DDX31: variants seen among roughly 807,000 people sequenced by gnomAD.
DDX31 encodes ATP-dependent DNA helicase DDX31.
In DDX31, 70 loss-of-function variants were observed where a neutral mutation model predicts 91.3. The observed-to-expected ratio is 0.77, with a 90% CI of 0.63 to 0.94. The LOEUF (loss-of-function observed/expected upper bound fraction) is 0.94. Among genes scored for constraint, DDX31 ranks in the 40% least tolerant of loss-of-function variants. The pLI is 0.00. For synonymous variants in DDX31, 362 were observed against 350.6 expected, an observed-to-expected ratio of 1.03 and a Z score of -0.36; for missense variants, 902 against 925.0, an observed-to-expected ratio of 0.98 and a Z score of 0.32.
chr9:132,642,494 T>G (rs1321990955), intron 13 of DDX31, among the ~76,000 whole-genome samples: 4 of 152,330 alleles, frequency 2.6e-5, no homozygotes, highest in African/African-American at 9.6e-5. Flanking sequence ...TTTATAAAAC[T>G]ATGTATTTTA....
intron 1 of DDX31, among the ~76,000 whole-genome samples, chr9:132,667,565 T>C (rs111396461): frequency 0.2 from 30,748 of 151,978 alleles, 3,941 homozygotes; most frequent in East Asian, 0.4. Context: ...ATCGCGCCAC[T>C]GCACTCCAGC....
At chr9:132,604,636 A>G (rs1830911360) in intron 19 of DDX31, among the ~76,000 whole-genome samples, 1 of 151,904 alleles carries the variant, frequency 6.6e-6, no homozygotes, top group Non-Finnish European at 1.5e-5. Context: ...CACTCTTCAT[A>G]ATTTTAGATT....
rs1431998134 is a variant in DDX31, at chr9:132,659,715, C to G, written c.518G>C (p.Gly173Ala). Residue 173 changes from glycine to alanine, a missense_variant, in exon 5 of 20, where the codon GGC (glycine) becomes GCC (alanine). By Grantham distance (60) the Gly-to-Ala change is moderately conservative (BLOSUM62 0). Transcript: ENST00000372159. ...AGAGATGAAATGAGACTAACCTGAGCCCGTCTGGGATCTCACGAGAGCATC... is the reference window on the plus strand; with the variant it reads ...AGAGATGAAATGAGACTAACCTGAGGCCGTCTGGGATCTCACGAGAGCATC... ...GRDALVRSQTGSGKTLAYCIP... is the reference protein window; with the variant it reads ...GRDALVRSQTASGKTLAYCIP... 1.9e-6 allele frequency: 3 copies of G among 1,609,678 alleles called. No individual in the cohort carries two copies. The highest frequency in any genetic ancestry group is 2.5e-6 in the Non-Finnish European group (3 of 1,177,684).
intron 6 of DDX31, among the ~76,000 whole-genome samples, chr9:132,656,176 G>A (rs909493647): frequency 1.3e-5 from 2 of 152,124 alleles, no homozygotes; most frequent in African/African-American, 4.8e-5. Context: ...CATCACCAAA[G>A]TAATTTAAGG....
At chr9:132,661,284 ATT>A in intron 3 of DDX31, 33 bp from the exon 4 acceptor site, 2 of 1,493,380 alleles carry the variant, frequency 1.3e-6, no homozygotes, top group Non-Finnish European at 1.9e-6. Context: ...TTTAATTAAT[ATT>A]TTGATACAAA....
intron 19 of DDX31, among the ~76,000 whole-genome samples, chr9:132,598,938 C>T (rs912534535): frequency 4.6e-5 from 7 of 152,224 alleles, no homozygotes; most frequent in Admixed American, 2.0e-4. Context: ...TTATCCACAA[C>T]GGTCACTGAA....
Position 132,608,351 on chromosome 9 carries a change from A to G in DDX31, c.1994+3736T>C, listed in dbSNP as rs559035072. ...GTTCCCTTGCAGAACTGAGCACTGG[A>G]AAAGTCGACAGAAACCTAGTTATTA... On this transcript the variant is annotated intron_variant, in intron 19 of 19. Transcript: ENST00000372159. Among the ~76,000 whole-genome samples, 17 of 152,142 alleles carry G rather than the reference A, an allele frequency of 1.1e-4. 1 individual carries two copies. Among genetic ancestry groups the G allele is most frequent in the Non-Finnish European group, 1.5e-4 (10 of 68,040 alleles).
chr9:132,620,275 A>T (rs2119388224), intron 17 of DDX31, among the ~76,000 whole-genome samples: 1 of 152,248 alleles, frequency 6.6e-6, no homozygotes, highest in East Asian at 1.9e-4. Flanking sequence ...GGAGAAAATT[A>T]AAGAGACCTC....
rs796963628 is a variant in DDX31, at chr9:132,626,713, C to T, written c.1632-968G>A. 6.6e-5 allele frequency among the ~76,000 whole-genome samples: 10 copies of T among 151,856 alleles called. 1 individual carries two copies. The highest frequency in any genetic ancestry group is 2.4e-4 in the African/African-American group (10 of 41,400). ...TCTTAGGTGGGAGAAGACAATTCTCCCCCTTTCACCCAAAGGTTACTCTGA... is the reference window on the plus strand; with the variant it reads ...TCTTAGGTGGGAGAAGACAATTCTCTCCCTTTCACCCAAAGGTTACTCTGA... On this transcript the variant is annotated intron_variant, in intron 16 of 19. Coordinates refer to ENST00000372159, the MANE Select transcript of DDX31 (RefSeq NM_022779.9).
chr9:132,600,942 G>A (rs974521201), intron 19 of DDX31, among the ~76,000 whole-genome samples: 1 of 152,198 alleles, frequency 6.6e-6, no homozygotes, highest in East Asian at 1.9e-4. Flanking sequence ...AGCCTACAGT[G>A]CGTTAGAGAG....
At chr9:132,647,113 C>A in intron 11 of DDX31, 55 bp from the exon 12 acceptor site, 2 of 1,547,636 alleles carry the variant, frequency 1.3e-6, no homozygotes, top group South Asian at 2.3e-5. Context: ...TGAAACTGGT[C>A]ACAAAAGCGT....
chr9:132,649,597 A>G (rs1834056548), intron 9 of DDX31, among the ~76,000 whole-genome samples: 2 of 152,142 alleles, frequency 1.3e-5, no homozygotes. Context: ...GTTATTTGTT[A>G]TTATTGTTGT....
chr9:132,623,643 C>T (rs1033989861), intron 17 of DDX31, among the ~76,000 whole-genome samples: 2 of 151,856 alleles, frequency 1.3e-5, no homozygotes, highest in African/African-American at 4.8e-5. Context: ...GACCCTGAGG[C>T]GTGCTCTTAG....
intron 6 of DDX31, among the ~76,000 whole-genome samples, chr9:132,655,004 G>A (rs1000470680): frequency 2.6e-5 from 4 of 151,900 alleles, no homozygotes; most frequent in Admixed American, 1.3e-4. Context: ...GCATTGGAGG[G>A]CATGGGAAAA....
chr9:132,659,761 G>C lies in DDX31; in HGVS notation c.472C>G (p.Pro158Ala). 1 of 1,613,122 alleles carries C rather than the reference G, an allele frequency of 6.2e-7. No individual in the cohort carries two copies. ...SMTSVQKQSI[P>A]VLLEGRDALV... ...GCATCTCTGCCTTCCAGCAACACAG[G>C]AATACTTTGCTTCTGAACACTGGGC... The change falls in exon 5 of 20, where the codon CCT becomes GCT. Residue 158 changes from proline to alanine, a missense_variant. Pro to Ala is a conservative substitution (Grantham distance 27). Coordinates refer to ENST00000372159, the MANE Select transcript of DDX31 (RefSeq NM_022779.9).
intron 14 of DDX31, chr9:132,637,807 C>T (rs528951459): frequency 2.6e-5 from 26 of 984,420 alleles, no homozygotes; most frequent in South Asian, 1.9e-4. Flanking sequence ...TTTCCATTAA[C>T]GAAACAAAAT....
chr9:132,662,490 A>T lies in DDX31; in HGVS notation c.281T>A (p.Ile94Asn), dbSNP rs1835031639. The T allele has an allele frequency of 1.9e-6, 3 of 1,614,210 alleles. No individual in the cohort carries two copies. In the East Asian group the frequency reaches 6.7e-5, roughly 36 times the overall value. ...GTTTTTAAACAGTGATGAAGTCTTA[A>T]TGCACTGTCTCTCCTCCTGGTTTCT... ...SDRNQEERQC[I>N]KTSSLFKNNP... Residue 94 changes from isoleucine to asparagine, a missense_variant, in exon 2 of 20, where the codon ATT becomes AAT. Physicochemically the swap from Ile to Asn is moderately radical, Grantham distance 149. Coordinates refer to ENST00000372159, the MANE Select transcript of DDX31 (RefSeq NM_022779.9).
chr9:132,658,723 G>T lies in DDX31; in HGVS notation c.536C>A (p.Ala179Asp). Residue 179 changes from alanine (A) to aspartate (D), a missense_variant, in exon 6 of 20, where the codon GCC (alanine) becomes GAC (aspartate). Ala to Asp is a moderately radical substitution (Grantham distance 126). Coordinates refer to ENST00000372159, the MANE Select transcript of DDX31 (RefSeq NM_022779.9). Reference protein sequence around the residue: ...RSQTGSGKTLAYCIPVVQSLQ... With the variant: ...RSQTGSGKTLDYCIPVVQSLQ... Reference sequence around the variant, plus strand: ...GGACTGGACCACAGGGATGCAATAGGCAAGAGTTTTACCTTTCAAAAAAAA... The same window carrying T: ...GGACTGGACCACAGGGATGCAATAGTCAAGAGTTTTACCTTTCAAAAAAAA... 1 of 1,613,710 alleles carries T rather than the reference G, an allele frequency of 6.2e-7. No individual in the cohort carries two copies. The highest frequency in any genetic ancestry group is 8.5e-7 in the Non-Finnish European group (1 of 1,179,872).
Position 132,618,412 on chromosome 9 carries a change from G to C in DDX31, c.1743C>G (p.Ile581Met), listed in dbSNP as rs765944050. The C allele has an allele frequency of 1.9e-6, 3 of 1,611,872 alleles. No homozygotes were observed. The highest frequency in any genetic ancestry group is 2.5e-6 in the Non-Finnish European group (3 of 1,179,098). Residue 581 changes from isoleucine (I) to methionine (M), a missense_variant, in exon 18 of 20, where the codon ATC becomes ATG. By Grantham distance (10) the Ile-to-Met change is conservative. Transcript: ENST00000372159. ...QKSHAVGPQE[I>M]RERATVLQTV... ...TCTGCAAGACTGTGGCTCGCTCTCG[G>C]ATTTCCTGGGGGCCAACAGCATGGG...
Sources: allele counts gnomAD v4.1 joint callset (sites outside exome capture counted in the v4.1 genomes callset), GRCh38; gene constraint gnomAD v4.1.1; transcripts MANE v1.5; gene names NCBI Gene and HGNC (gene_info 2026-07-23, HGNC 2026-07-21).